ZNF557: variants seen among roughly 807,000 people sequenced by gnomAD.
The protein encoded by ZNF557 is zinc finger protein 557.
ZNF557 carries 19 observed loss-of-function variants against 21.2 expected under a neutral mutation model. The ratio of observed to expected loss-of-function variants is 0.90; its 90% confidence interval spans 0.63 to 1.32. The LOEUF is 1.32. Among genes scored for constraint, ZNF557 ranks in the 40% most tolerant of loss-of-function variants. ZNF557 has a pLI of 0.00. For synonymous variants in ZNF557, 207 were observed against 194.8 expected (o/e 1.06, Z -0.52); for missense variants, 487 against 519.8 (o/e 0.94, Z 0.61).
intron 2 of ZNF557, among the ~76,000 whole-genome samples, chr19:7,070,934 T>A (rs1382305212): frequency 6.6e-6 from 1 of 152,002 alleles, no homozygotes; most frequent in Non-Finnish European, 1.5e-5. Context: ...CCCAGCTAAT[T>A]TTTGTATTTT....
rs773568400 is a variant in ZNF557, at chr19:7,075,118, G to A, written c.31+13G>A. 34 of 1,613,944 alleles carry A rather than the reference G, an allele frequency of 2.1e-5. No individual in the cohort carries two copies. Among genetic ancestry groups the A allele is most frequent in the South Asian group, 2.0e-4 (18 of 91,082 alleles). On this transcript the variant is annotated intron_variant, in intron 3 of 7. Coordinates refer to ENST00000252840, the MANE Select transcript of ZNF557 (RefSeq NM_024341.3). Reference sequence around the variant, plus strand: ...CCCCCAACTGCCGGTGAGTCATGGGGTCCTGGCAGTTCTCAGAGTCCAGGC... The same window carrying A: ...CCCCCAACTGCCGGTGAGTCATGGGATCCTGGCAGTTCTCAGAGTCCAGGC...
intron 1 of ZNF557, among the ~76,000 whole-genome samples, 197 bp downstream of exon 1, chr19:7,069,970 G>C (rs1003372390): frequency 2.3e-4 from 35 of 152,224 alleles, no homozygotes; most frequent in African/African-American, 8.4e-4. Context: ...GCGATTCTGC[G>C]CCCCAGGGGA....
intron 7 of ZNF557, 104 bp from the exon 8 acceptor site, chr19:7,082,774 A>G (rs781690013): frequency 4.1e-5 from 50 of 1,212,638 alleles, no homozygotes; most frequent in Admixed American, 1.4e-4. Flanking sequence ...ATTAATTCCA[A>G]TACTATGATA....
At chr19:7,074,921 G>T in intron 2 of ZNF557, 75 bp from the exon 3 acceptor site, 1 of 1,253,100 alleles carries the variant, frequency 8.0e-7, no homozygotes, top group South Asian at 1.3e-5. Flanking sequence ...GGCACGGGCA[G>T]GAGACGGGGT....
Position 7,085,583 on chromosome 19 carries a change from C to T in ZNF557, c.*1839C>T, listed in dbSNP as rs1241787826. The T allele has an allele frequency of 6.6e-6, 1 of 152,132 alleles. No individual in the cohort carries two copies. Among genetic ancestry groups the T allele is most frequent in the Non-Finnish European group, 1.5e-5 (1 of 68,020 alleles). 9.4% of individuals were successfully genotyped at this position (152,132 alleles called of 1,614,324 possible). The stretch of plus-strand genomic sequence containing the variant: ...AGTGTATTAATTTCAGAAAAATTTT[C>T]AGTGATTCCTCCCTTTATGCATGAG... On this transcript the variant is annotated 3_prime_UTR_variant, in exon 8 of 8. Coordinates refer to ENST00000252840, the MANE Select transcript of ZNF557 (RefSeq NM_024341.3).
rs1001019963 is a variant in ZNF557 at position 7,083,934 on chromosome 19, A to G, written c.*190A>G. 16 of 601,770 alleles carry G rather than the reference A, an allele frequency of 2.7e-5. No homozygotes were observed. Among genetic ancestry groups the G allele is most frequent in the Non-Finnish European group, 4.0e-5 (14 of 346,452 alleles). The allele number at this position is 601,770 out of a possible 1,614,324, so 37.3% of individuals were successfully genotyped here. On this transcript the variant is annotated 3_prime_UTR_variant, in exon 8 of 8. Transcript: ENST00000252840. ...AGGAATTCAGAAACAACATAGCTCTATAGTTCTTCAGGATATCTCAAGAGG... is the reference window on the plus strand; with the variant it reads ...AGGAATTCAGAAACAACATAGCTCTGTAGTTCTTCAGGATATCTCAAGAGG...
Position 7,084,926 on chromosome 19 carries a change from C to T in ZNF557, c.*1182C>T, listed in dbSNP as rs1977801514. ...ATGGAAAACCAGGGGACACTCATTC[C>T]TTAAGTCACATTTCGGAGATCATAC... On this transcript the variant is annotated 3_prime_UTR_variant, in exon 8 of 8. Transcript: ENST00000252840. The T allele has an allele frequency of 1.3e-5, 2 of 152,158 alleles. No homozygotes were observed. Among genetic ancestry groups the T allele is most frequent in the African/African-American group, 4.8e-5 (2 of 41,414 alleles). The allele number at this position is 152,158 out of a possible 1,614,324, so 9.4% of individuals were successfully genotyped here.
chr19:7,074,915 C>T (rs1390765360), intron 2 of ZNF557, 81 bp from the exon 3 acceptor site: 49 of 1,145,922 alleles, frequency 4.3e-5, no homozygotes, highest in African/African-American at 1.2e-4. Context: ...AGGCAGGGCA[C>T]GGGCAGGAGA....
In ZNF557 at chr19:7,083,668, G is replaced by GT. The variant is rs1221163640; in HGVS notation, c.1218dup (p.Asn407Ter). ...CACACTGGAAAAAAACCCTATGAAT[G>GT]TAATTATTGCGGGAAATCCTTCACA... On this transcript the variant is annotated frameshift_variant, in exon 8 of 8. Coordinates refer to ENST00000252840, the MANE Select transcript of ZNF557 (RefSeq NM_024341.3). LOFTEE classifies it low-confidence loss of function (END_TRUNC). 1 of 1,614,086 alleles carries GT rather than the reference G, an allele frequency of 6.2e-7. No homozygotes were observed. The highest frequency in any genetic ancestry group is 8.5e-7 in the Non-Finnish European group (1 of 1,180,008).
chr19:7,076,458 A>G lies in ZNF557; in HGVS notation c.198A>G (p.Thr66=). The G allele has an allele frequency of 6.2e-7, 1 of 1,614,148 alleles. No homozygotes were observed. Among genetic ancestry groups the G allele is most frequent in the South Asian group, 1.1e-5 (1 of 91,082 alleles). ...CATTGCTGGACCCTGCCCAAAGGAC[A>G]CTGTACAGGGACGTGATGCTGGAGA... ...EWALLDPAQR[T]LYRDVMLENC... Residue 66 remains threonine, a synonymous_variant, in exon 5 of 8, where the codon ACA becomes ACG. Transcript: ENST00000252840.
At chr19:7,082,108 G>C (rs1977721175) in intron 7 of ZNF557, 56 bp downstream of exon 7, 3 of 1,420,176 alleles carry the variant, frequency 2.1e-6, no homozygotes, top group Admixed American at 3.5e-5. Flanking sequence ...CCCTACATGA[G>C]AAAAGCCACA....
At chr19:7,075,584 G>T in intron 3 of ZNF557, 71 bp from the exon 4 acceptor site, 3 of 1,501,178 alleles carry the variant, frequency 2.0e-6, no homozygotes, top group Middle Eastern at 4.0e-4. Context: ...CAGGCAGGTG[G>T]GGAAGCCTCC....
chr19:7,070,338 G>A (rs574614084), intron 1 of ZNF557, among the ~76,000 whole-genome samples: 2 of 152,328 alleles, frequency 1.3e-5, no homozygotes, highest in Middle Eastern at 6.8e-3. Flanking sequence ...ACAGCTTTAA[G>A]CTTCTTGTCC....
Position 7,083,396 on chromosome 19 carries a change from A to G in ZNF557, c.945A>G (p.Thr315=). The G allele has an allele frequency of 6.2e-7, 1 of 1,614,220 alleles. No homozygotes were observed. The highest frequency in any genetic ancestry group is 8.5e-7 in the Non-Finnish European group (1 of 1,180,042). ...TTTCTTCGCACTATAGCATTCATAC[A>G]GGGGAGTACCCTTACGAATGCCACG... ...SSLSSHYSIH[T]GEYPYECHDC... is the part of the protein sequence containing the mutation. Residue 315 remains threonine, a synonymous_variant, in exon 8 of 8, where the codon ACA becomes ACG. Coordinates refer to ENST00000252840, the MANE Select transcript of ZNF557 (RefSeq NM_024341.3).
Position 7,083,337 on chromosome 19 carries a change from C to T in ZNF557, c.886C>T (p.Gln296Ter). Residue 296 changes from glutamine to a stop codon, truncating the protein, a stop_gained, in exon 8 of 8, where the codon CAG (glutamine) becomes TAG (stop). Coordinates refer to ENST00000252840, the MANE Select transcript of ZNF557 (RefSeq NM_024341.3). LOFTEE classifies it low-confidence loss of function (END_TRUNC). The stretch of plus-strand genomic sequence containing the variant: ...GGGGGAGGGTCATTATGTATGTAAT[C>T]AGTGTGGAAAGGCTTTCGGCACGAG... ...HTGEGHYVCN[Q>*]CGKAFGTRSS... 6.2e-7 allele frequency: 1 copy of T among 1,614,178 alleles called. No individual in the cohort carries two copies. The highest frequency in any genetic ancestry group is 1.1e-5 in the South Asian group (1 of 91,084).
chr19:7,078,720 T>C (rs1015314936), intron 5 of ZNF557, among the ~76,000 whole-genome samples: 7 of 152,154 alleles, frequency 4.6e-5, no homozygotes, highest in African/African-American at 1.4e-4. Flanking sequence ...CGTGACCCAT[T>C]GCACCTTGCC....
intron 2 of ZNF557, among the ~76,000 whole-genome samples, chr19:7,072,002 G>A (rs1449261118): frequency 6.7e-6 from 1 of 150,282 alleles, no homozygotes; most frequent in African/African-American, 2.5e-5. Context: ...TGTAGTCCCA[G>A]CTACTCGGGA....
chr19:7,071,582 G>C (rs1029417751), intron 2 of ZNF557, among the ~76,000 whole-genome samples: 3 of 152,160 alleles, frequency 2.0e-5, no homozygotes, highest in Non-Finnish European at 2.9e-5. Context: ...GCTCAAGCCT[G>C]TCTGTAATCC....
At chr19:7,082,444 G>C (rs1977732307) in intron 7 of ZNF557, among the ~76,000 whole-genome samples, 1 of 141,668 alleles carries the variant, frequency 7.1e-6, no homozygotes. Flanking sequence ...AAAAAAAGTG[G>C]CTTTATTAAA....
Sources: allele counts gnomAD v4.1 joint callset (sites outside exome capture counted in the v4.1 genomes callset), GRCh38; gene constraint gnomAD v4.1.1; transcripts MANE v1.5; gene names NCBI Gene and HGNC (gene_info 2026-07-23, HGNC 2026-07-21).